The following PDE1C variants were observed in gnomAD, a reference collection of about 807,000 sequenced individuals.
The protein encoded by PDE1C is dual specificity calcium/calmodulin-dependent 3',5'-cyclic nucleotide phosphodiesterase 1C.
PDE1C carries 62 observed loss-of-function variants against 93.1 expected under a neutral mutation model. The ratio of observed to expected loss-of-function variants is 0.67; its 90% CI spans 0.54 to 0.82. The LOEUF (loss-of-function observed/expected upper bound fraction) is 0.82. PDE1C is among the 40% of genes least tolerant of loss of function. The pLI, the probability that PDE1C is intolerant of heterozygous loss-of-function variation, is 0.00. For synonymous variants in PDE1C, 325 were observed against 310.1 expected (o/e 1.05, Z -0.50); for missense variants, 742 against 884.6 (o/e 0.84, Z 2.04).
At chr7:32,187,516 T>G (rs1803962783) in intron 2 of PDE1C, among the ~76,000 whole-genome samples, 1 of 152,222 alleles carries the variant, frequency 6.6e-6, no homozygotes, top group Non-Finnish European at 1.5e-5. Flanking sequence ...GTATCACTGT[T>G]AAGAATTATG....
At chr7:31,702,104 C>T in the PDE1C span, among the ~76,000 whole-genome samples, 1 of 152,100 alleles carries the variant, frequency 6.6e-6, no homozygotes, top group Non-Finnish European at 1.5e-5. Context: ...CTGGTACTAC[C>T]TATTAGTCTT....
chr7:32,013,752 A>G (rs560957070), intron 2 of PDE1C, among the ~76,000 whole-genome samples: 32 of 152,336 alleles, frequency 2.1e-4, no homozygotes, highest in Admixed American at 1.6e-3. Context: ...TGATTTATTT[A>G]TTGTGGCTAG....
intron 1 of PDE1C, among the ~76,000 whole-genome samples, chr7:32,251,833 G>A (rs6960226): frequency 0.17 from 25,589 of 152,110 alleles, 2,375 homozygotes; most frequent in East Asian, 0.3. Flanking sequence ...TATGATTGCT[G>A]ACAAAGGTTG....
chr7:32,103,533 C>T (rs1798139059), intron 3 of PDE1C, among the ~76,000 whole-genome samples: 1 of 152,174 alleles, frequency 6.6e-6, no homozygotes, highest in Non-Finnish European at 1.5e-5. Flanking sequence ...GAAAATAACA[C>T]AATGTACCAT....
At chr7:32,339,682 A>C (rs758090030) in intron 1 of PDE1C, among the ~76,000 whole-genome samples, 1 of 152,178 alleles carries the variant, frequency 6.6e-6, no homozygotes, top group Non-Finnish European at 1.5e-5. Context: ...TTGAAATGTC[A>C]GTGGAAGAGA....
chr7:32,035,058 T>C (rs1240568529), intron 2 of PDE1C, among the ~76,000 whole-genome samples: 2 of 152,106 alleles, frequency 1.3e-5, no homozygotes, highest in Admixed American at 1.3e-4. Flanking sequence ...GCAGGAGCAT[T>C]GCCCTCTTGG....
At chr7:32,324,738 C>T (rs147260534) in intron 1 of PDE1C, among the ~76,000 whole-genome samples, 329 of 152,290 alleles carry the variant, frequency 2.2e-3, no homozygotes, top group African/African-American at 7.6e-3. Flanking sequence ...CACTTGAGTC[C>T]AGGAACTAGA....
chr7:32,203,706 C>T (rs1443502621), intron 2 of PDE1C, among the ~76,000 whole-genome samples: 1 of 152,198 alleles, frequency 6.6e-6, no homozygotes, highest in African/African-American at 2.4e-5. Flanking sequence ...TGGTGCCTAA[C>T]ATGATTGCTG....
the PDE1C span, chr7:31,687,335 AC>A: frequency 3.3e-5 from 5 of 152,284 alleles, no homozygotes; most frequent in Non-Finnish European, 7.3e-5. Flanking sequence ...TACTCCAAGA[AC>A]TTTTGTGGTG....
chr7:32,047,062 A>AGTGT (rs59580872), intron 2 of PDE1C, among the ~76,000 whole-genome samples: 5,247 of 145,892 alleles, frequency 0.036, 107 homozygotes, highest in African/African-American at 0.057. Flanking sequence ...TGCGAGACAG[A>AGTGT]GTGTGTGTGT....
At chr7:31,720,902 C>T in the PDE1C span, among the ~76,000 whole-genome samples, 1 of 152,156 alleles carries the variant, frequency 6.6e-6, no homozygotes, top group Non-Finnish European at 1.5e-5. Flanking sequence ...TTTTACCAAA[C>T]ACTACCTCTG....
At chr7:32,219,066 G>A (rs1333988024) in intron 1 of PDE1C, among the ~76,000 whole-genome samples, 2 of 152,262 alleles carry the variant, frequency 1.3e-5, no homozygotes, top group African/African-American at 4.8e-5. Context: ...GTGTTTCTGT[G>A]GAAATCATCA....
chr7:32,318,047 C>T (rs215622), intron 1 of PDE1C, among the ~76,000 whole-genome samples: 89,194 of 152,092 alleles, frequency 0.59, 27,592 homozygotes, highest in Admixed American at 0.71. Flanking sequence ...CTGGTGCCAG[C>T]ACCAGACTGC....
At chr7:31,693,731 T>A in the PDE1C span, among the ~76,000 whole-genome samples, 2 of 152,188 alleles carry the variant, frequency 1.3e-5, no homozygotes, top group South Asian at 4.1e-4. Context: ...GTTTAAGACA[T>A]TTAATCCTCA....
At chr7:32,128,244 T>C (rs1799699550) in intron 3 of PDE1C, among the ~76,000 whole-genome samples, 3 of 151,846 alleles carry the variant, frequency 2.0e-5, no homozygotes, top group South Asian at 4.2e-4. Context: ...ATGAAAAGCA[T>C]AGAGCCAAAT....
intron 1 of PDE1C, among the ~76,000 whole-genome samples, chr7:32,321,975 C>T (rs1783300734): frequency 6.6e-6 from 1 of 152,080 alleles, no homozygotes; most frequent in Non-Finnish European, 1.5e-5. Flanking sequence ...GTGACATGCA[C>T]CAGATGCTAT....
chr7:32,236,841 C>T (rs149149709), intron 1 of PDE1C, among the ~76,000 whole-genome samples: 7 of 152,124 alleles, frequency 4.6e-5, no homozygotes, highest in Non-Finnish European at 8.8e-5. Context: ...TGTACACAAA[C>T]GTTTATGGCA....
the PDE1C span, among the ~76,000 whole-genome samples, chr7:31,654,103 G>A: frequency 4.0e-5 from 6 of 148,510 alleles, no homozygotes; most frequent in African/African-American, 1.5e-4. Context: ...ATCCTGAAAA[G>A]AGCCTCAGAA....
chr7:31,643,494 A>G, the PDE1C span: 1 of 1,613,878 alleles, frequency 6.2e-7, no homozygotes. Flanking sequence ...CCAGGTCTGT[A>G]ATGACCCAGA....
Sources: allele counts gnomAD v4.1 joint callset (sites outside exome capture counted in the v4.1 genomes callset), GRCh38; gene constraint gnomAD v4.1.1; transcripts MANE v1.5; gene names NCBI Gene and HGNC (gene_info 2026-07-23, HGNC 2026-07-21).